CSGALNACT2: variants seen among roughly 807,000 people sequenced by gnomAD.
CSGALNACT2 encodes chondroitin sulfate N-acetylgalactosaminyltransferase 2, also known as beta 4 GalNAcT-2.
In CSGALNACT2, 35 loss-of-function variants were observed where a neutral mutation model predicts 55.3. That is an observed-to-expected ratio of 0.63 (90% CI 0.48 to 0.84). The LOEUF is 0.84. Ranked by LOEUF, CSGALNACT2 falls within the 40% of genes least tolerant of loss-of-function variation. The probability of loss-of-function intolerance (pLI) is 0.00; values close to 1 mark genes in which losing one functional copy is unlikely to be tolerated. For missense variants in CSGALNACT2, 544 were observed against 657.5 expected (o/e 0.83, Z 1.89); for synonymous variants, 196 against 224.9 (o/e 0.87, Z 1.15).
chr10:43,183,383 T>C lies in CSGALNACT2; in HGVS notation c.1470T>C (p.Cys490=). The change falls in exon 8 of 8, where the codon TGT becomes TGC. Residue 490 remains cysteine, a synonymous_variant. Transcript: ENST00000374466. ...TCCACCTCTGGCATGAAAAGCGCTG[T>C]GCTGATGAGCTGACCCCCGAGCAGT... The part of the protein sequence containing the change: ...GLFHLWHEKR[C]ADELTPEQYR... 1 of 1,614,178 alleles carries C rather than the reference T, an allele frequency of 6.2e-7. No homozygotes were observed. Among genetic ancestry groups the C allele is most frequent in the Non-Finnish European group, 8.5e-7 (1 of 1,180,038 alleles).
chr10:43,158,614 T>C lies in CSGALNACT2; in HGVS notation c.662-101T>C, dbSNP rs1839070992. On this transcript the variant is annotated intron_variant, in intron 2 of 7. Coordinates refer to ENST00000374466, the MANE Select transcript of CSGALNACT2 (RefSeq NM_018590.5). ...CAAATAGGTAAAAATCCTGCAGGTC[T>C]AGTTTAATACCCTTTATGTTTAAGT... 1.0e-5 allele frequency: 7 copies of C among 672,192 alleles called. 1 individual carries two copies. In the South Asian group the frequency reaches 1.3e-4, roughly 12 times the overall value. 41.6% of individuals were successfully genotyped at this position (672,192 alleles called of 1,614,324 possible).
At position 43,163,813 on chromosome 10, in the gene CSGALNACT2, A is replaced by G. The variant is rs187572589; in HGVS notation, c.981-53A>G. On this transcript the variant is annotated intron_variant, in intron 4 of 7. Coordinates refer to ENST00000374466, the MANE Select transcript of CSGALNACT2 (RefSeq NM_018590.5). Reference sequence around the variant, plus strand: ...TTTGTAAGCTGTGTTGAAGGAAGAAAATTGGTAACTTTAAGTGGGACTTAT... The same window carrying G: ...TTTGTAAGCTGTGTTGAAGGAAGAAGATTGGTAACTTTAAGTGGGACTTAT... 6.8e-5 allele frequency: 105 copies of G among 1,535,682 alleles called. 1 individual carries two copies. The African/African-American group carries it at 1.3e-3, about 19-fold the overall frequency.
In CSGALNACT2 at chr10:43,139,962, G is replaced by A. The variant is rs1368825245; in HGVS notation, c.-254+1395G>A. Among the ~76,000 whole-genome samples the A allele has an allele frequency of 4.6e-5, 7 of 152,328 alleles. 1 individual carries two copies. The highest frequency in any genetic ancestry group is 7.2e-5 in the African/African-American group (3 of 41,580). On this transcript the variant is annotated intron_variant, in intron 1 of 7. Transcript: ENST00000374466. The stretch of plus-strand genomic sequence containing the variant: ...TTTTATCCCAGCGCTTGGGGAGGCC[G>A]AGGCAGGTGGATCACTTGGTCAGGA...
intron 6 of CSGALNACT2, among the ~76,000 whole-genome samples, chr10:43,169,821 A>T (rs1257149098): frequency 6.6e-6 from 1 of 152,256 alleles, no homozygotes; most frequent in African/African-American, 2.4e-5. Flanking sequence ...AGTGACAATC[A>T]GATTGGCATT....
At chr10:43,180,539 T>C (rs1426077168) in intron 7 of CSGALNACT2, among the ~76,000 whole-genome samples, 1 of 152,214 alleles carries the variant, frequency 6.6e-6, no homozygotes, top group Non-Finnish European at 1.5e-5. Context: ...TAGAGTATTA[T>C]ACATAGTTGT....
chr10:43,165,188 G>T (rs1839237005), intron 5 of CSGALNACT2, among the ~76,000 whole-genome samples: 1 of 152,114 alleles, frequency 6.6e-6, no homozygotes, highest in African/African-American at 2.4e-5. Flanking sequence ...TTGCGCCACT[G>T]CACTGCAGCC....
Position 43,145,647 on chromosome 10 carries a change from A to G in CSGALNACT2, c.-254+7080A>G, listed in dbSNP as rs1415985816. ...AGGCTGATCTCAAATTCTGGCCTCA[A>G]GTGATCCTCCTGCTTCAACCTCCCA... On this transcript the variant is annotated intron_variant, in intron 1 of 7. Transcript: ENST00000374466. Among the ~76,000 whole-genome samples the G allele has an allele frequency of 3.9e-5, 6 of 152,138 alleles. No individual in the cohort carries two copies. In the South Asian group the frequency reaches 1.0e-3, roughly 26 times the overall value.
intron 2 of CSGALNACT2, among the ~76,000 whole-genome samples, chr10:43,158,375 T>G (rs971827800): frequency 6.6e-6 from 1 of 152,260 alleles, no homozygotes; most frequent in East Asian, 1.9e-4. Context: ...CTCTTGGGTC[T>G]AGATTTTAAT....
intron 1 of CSGALNACT2, among the ~76,000 whole-genome samples, chr10:43,153,334 C>A (rs77019003): frequency 0.036 from 4,100 of 112,984 alleles, 1 homozygote; most frequent in African/African-American, 0.05. Context: ...GACTCTGTCT[C>A]AAAAAAAAAA....
intron 3 of CSGALNACT2, among the ~76,000 whole-genome samples, chr10:43,159,243 T>C (rs114960142): frequency 1.1e-3 from 175 of 152,304 alleles, no homozygotes; most frequent in African/African-American, 3.9e-3. Flanking sequence ...AAGGAATAAT[T>C]TACATGCAGT....
chr10:43,153,366 A>C (rs751359900), intron 1 of CSGALNACT2, among the ~76,000 whole-genome samples: 15 of 149,468 alleles, frequency 1.0e-4, no homozygotes, highest in Non-Finnish European at 2.1e-4. Context: ...TAGTGAGTTA[A>C]ATTTTTCAAG....
Position 43,183,492 on chromosome 10 carries a change from A to G in CSGALNACT2, c.1579A>G (p.Thr527Ala). ...GMLVFREEIE[T>A]HLHKQAYRTN... ...GCTGGTCTTCAGGGAGGAAATAGAGACGCATCTTCATAAACAGGCATACAG... is the reference window on the plus strand; with the variant it reads ...GCTGGTCTTCAGGGAGGAAATAGAGGCGCATCTTCATAAACAGGCATACAG... The change falls in exon 8 of 8, where the codon ACG (threonine) becomes GCG (alanine). Residue 527 changes from threonine to alanine, a missense_variant. Thr to Ala is a moderately conservative substitution (Grantham distance 58, BLOSUM62 0). Coordinates refer to ENST00000374466, the MANE Select transcript of CSGALNACT2 (RefSeq NM_018590.5). 4 of 1,614,114 alleles carry G rather than the reference A, an allele frequency of 2.5e-6. No homozygotes were observed. The highest frequency in any genetic ancestry group is 3.4e-6 in the Non-Finnish European group (4 of 1,179,988).
At chr10:43,145,561 G>A (rs766625590) in intron 1 of CSGALNACT2, among the ~76,000 whole-genome samples, 26 of 151,686 alleles carry the variant, frequency 1.7e-4, no homozygotes, top group African/African-American at 5.1e-4. Flanking sequence ...GACATGCATC[G>A]CCACGCCTGG....
chr10:43,159,900 G>C (rs1375915947), intron 3 of CSGALNACT2, among the ~76,000 whole-genome samples: 1 of 152,100 alleles, frequency 6.6e-6, no homozygotes. Flanking sequence ...TATTGAAATT[G>C]TTGGATTTAA....
intron 1 of CSGALNACT2, among the ~76,000 whole-genome samples, chr10:43,139,737 A>G (rs530676947): frequency 1.3e-5 from 2 of 152,332 alleles, no homozygotes; most frequent in South Asian, 2.1e-4. Flanking sequence ...CTTCATGTTA[A>G]TGGAATCACG....
chr10:43,140,886 G>A (rs1203075473), intron 1 of CSGALNACT2, among the ~76,000 whole-genome samples: 1 of 152,164 alleles, frequency 6.6e-6, no homozygotes, highest in Non-Finnish European at 1.5e-5. Flanking sequence ...AAACATTTGT[G>A]GGAAATCGGT....
intron 6 of CSGALNACT2, among the ~76,000 whole-genome samples, chr10:43,167,907 G>A (rs1839300193): frequency 1.3e-5 from 2 of 151,954 alleles, no homozygotes; most frequent in Admixed American, 6.6e-5. Flanking sequence ...TTCAAGGAAA[G>A]TAATAAAGGC....
intron 7 of CSGALNACT2, among the ~76,000 whole-genome samples, chr10:43,178,024 A>G (rs1839514081): frequency 6.6e-6 from 1 of 152,196 alleles, no homozygotes; most frequent in South Asian, 2.1e-4. Flanking sequence ...GTTGTTGAGC[A>G]TCTCTTGATG....
chr10:43,169,509 G>A (rs533043814), intron 6 of CSGALNACT2, among the ~76,000 whole-genome samples: 1 of 152,322 alleles, frequency 6.6e-6, no homozygotes, highest in Admixed American at 6.5e-5. Context: ...TCAGTAAATG[G>A]TCTGAATAGC....
Sources: gnomAD v4.1 joint callset for allele counts (sites outside exome capture counted in the v4.1 genomes callset) on GRCh38, gnomAD v4.1.1 for gene constraint, MANE v1.5 for transcripts, NCBI Gene and HGNC (gene_info 2026-07-23, HGNC 2026-07-21) for gene names.